Variants in LIN7A observed in about 807,000 individuals in gnomAD.
LIN7A encodes the protein protein lin-7 homolog A.
A neutral mutation model predicts 29.8 loss-of-function variants in LIN7A; 25 were observed. That is an observed-to-expected ratio of 0.84 (90% CI 0.61 to 1.17). The LOEUF is 1.17. Among genes scored for constraint, LIN7A ranks in the 50% most tolerant of loss-of-function variants. LIN7A has a pLI of 0.00. For synonymous variants in LIN7A, 118 were observed against 107.5 expected, an observed-to-expected ratio of 1.10 and a Z score of -0.60; for missense variants, 239 against 287.0, an observed-to-expected ratio of 0.83 and a Z score of 1.21.
intron 1 of LIN7A, among the ~76,000 whole-genome samples, chr12:80,908,602 C>G (rs181293192): frequency 6.6e-6 from 1 of 152,036 alleles, no homozygotes; most frequent in South Asian, 2.1e-4. Flanking sequence ...CTATACTTTT[C>G]TGCACTTGAG....
At chr12:80,880,906 A>G (rs966146383) in intron 2 of LIN7A, among the ~76,000 whole-genome samples, 1 of 152,184 alleles carries the variant, frequency 6.6e-6, no homozygotes, top group African/African-American at 2.4e-5. Context: ...TATTTTCACT[A>G]TAACTGGCTT....
chr12:80,878,555 G>T (rs924613266), intron 2 of LIN7A, among the ~76,000 whole-genome samples: 2 of 152,182 alleles, frequency 1.3e-5, no homozygotes, highest in Non-Finnish European at 2.9e-5. Flanking sequence ...GTGAGCAGCA[G>T]CAAGATTTAT....
chr12:80,802,192 C>T (rs960690246), intron 5 of LIN7A, among the ~76,000 whole-genome samples: 3 of 152,064 alleles, frequency 2.0e-5, no homozygotes, highest in East Asian at 1.9e-4. Flanking sequence ...CGCACCTGGC[C>T]GAGTCTAACT....
At chr12:80,798,208 A>G (rs1325075854) in intron 5 of LIN7A, among the ~76,000 whole-genome samples, 1 of 152,202 alleles carries the variant, frequency 6.6e-6, no homozygotes, top group Non-Finnish European at 1.5e-5. Context: ...ACCACATGAA[A>G]CAGAGTAGGC....
chr12:80,874,820 A>G (rs1234085074), intron 2 of LIN7A, among the ~76,000 whole-genome samples: 1 of 152,092 alleles, frequency 6.6e-6, no homozygotes, highest in Non-Finnish European at 1.5e-5. Context: ...CGTCTCTACT[A>G]AAAAATAGAA....
intron 1 of LIN7A, among the ~76,000 whole-genome samples, chr12:80,932,208 A>T (rs2120957410): frequency 6.6e-6 from 1 of 152,348 alleles, no homozygotes; most frequent in African/African-American, 2.4e-5. Context: ...AATGTATCAC[A>T]AATTCTATGA....
intron 1 of LIN7A, among the ~76,000 whole-genome samples, chr12:80,893,852 A>G (rs754382260): frequency 1.3e-5 from 2 of 152,126 alleles, no homozygotes; most frequent in African/African-American, 2.4e-5. Context: ...TCTAGTGGGT[A>G]CCCCTCCAAG....
intron 4 of LIN7A, among the ~76,000 whole-genome samples, chr12:80,844,299 T>C (rs1227394896): frequency 1.3e-5 from 2 of 152,196 alleles, no homozygotes; most frequent in Non-Finnish European, 2.9e-5. Context: ...GTAATTGGAA[T>C]GCTGAAGTGA....
At chr12:80,824,737 C>T (rs1871975769) in intron 4 of LIN7A, among the ~76,000 whole-genome samples, 1 of 152,094 alleles carries the variant, frequency 6.6e-6, no homozygotes, top group Non-Finnish European at 1.5e-5. Flanking sequence ...TGTGCTACAC[C>T]ACATAAACAG....
chr12:80,816,734 G>A (rs1871556382), intron 4 of LIN7A, among the ~76,000 whole-genome samples: 3 of 151,834 alleles, frequency 2.0e-5, no homozygotes, highest in Admixed American at 6.5e-5. Flanking sequence ...TTGAAGTTTA[G>A]CAAATCAATG....
chr12:80,922,760 A>G (rs78234868), intron 1 of LIN7A, among the ~76,000 whole-genome samples: 1,872 of 152,268 alleles, frequency 0.012, 33 homozygotes, highest in African/African-American at 0.039. Flanking sequence ...TCTAGAAATG[A>G]ATGATTCATC....
chr12:80,805,593 T>C (rs1870936843), intron 5 of LIN7A, among the ~76,000 whole-genome samples: 1 of 149,602 alleles, frequency 6.7e-6, no homozygotes, highest in South Asian at 2.1e-4. Context: ...GAGATATTCC[T>C]CTTTCTTCTT....
chr12:80,794,517 T>C lies in LIN7A; in HGVS notation c.*3210A>G, dbSNP rs1189880343. 1.3e-5 allele frequency: 2 copies of C among 152,148 alleles called. No homozygotes were observed. The highest frequency in any genetic ancestry group is 6.6e-5 in the Admixed American group (1 of 15,266). The allele number at this position is 152,148 out of a possible 1,614,324, so 9.4% of individuals were successfully genotyped here. On this transcript the variant is annotated 3_prime_UTR_variant, in exon 6 of 6. Coordinates refer to ENST00000552864, the MANE Select transcript of LIN7A (RefSeq NM_004664.4). ...AATAATGTAGACAAAATATTCCACC[T>C]CTTGGGGTCCTACGGGCACAGTTGA...
chr12:80,913,261 C>T (rs750581841), intron 1 of LIN7A, among the ~76,000 whole-genome samples: 1 of 152,210 alleles, frequency 6.6e-6, no homozygotes, highest in Non-Finnish European at 1.5e-5. Context: ...TATAATACAA[C>T]AAAGGACATA....
chr12:80,927,016 T>C (rs1000416844), intron 1 of LIN7A, among the ~76,000 whole-genome samples: 3 of 151,684 alleles, frequency 2.0e-5, no homozygotes, highest in Non-Finnish European at 4.4e-5. Flanking sequence ...ACTTAGAGAT[T>C]ACTAAAAGTT....
chr12:80,879,846 C>T (rs779227431), intron 2 of LIN7A, among the ~76,000 whole-genome samples: 21 of 152,100 alleles, frequency 1.4e-4, no homozygotes, highest in Non-Finnish European at 2.4e-4. Context: ...GCAGAGCAGA[C>T]GTTTATCAAG....
chr12:80,931,268 A>G (rs1050576635), intron 1 of LIN7A, among the ~76,000 whole-genome samples: 1 of 151,848 alleles, frequency 6.6e-6, no homozygotes, highest in African/African-American at 2.4e-5. Flanking sequence ...CAAACTAGAA[A>G]GGATTCACCA....
chr12:80,870,506 A>T (rs1359527954), intron 2 of LIN7A, among the ~76,000 whole-genome samples: 1 of 152,208 alleles, frequency 6.6e-6, no homozygotes, highest in African/African-American at 2.4e-5. Flanking sequence ...AAGTTGTAAG[A>T]GGAACAGAAG....
intron 4 of LIN7A, among the ~76,000 whole-genome samples, chr12:80,837,852 A>C (rs12318213): frequency 1.3e-5 from 2 of 151,738 alleles, no homozygotes; most frequent in African/African-American, 4.8e-5. Context: ...CATCATCATC[A>C]TCATCATCAT....
Sources: allele counts gnomAD v4.1 joint callset (sites outside exome capture counted in the v4.1 genomes callset), GRCh38; gene constraint gnomAD v4.1.1; transcripts MANE v1.5; gene names NCBI Gene and HGNC (gene_info 2026-07-23, HGNC 2026-07-21).